The following RBMS3 variants were observed in gnomAD, a reference collection of about 807,000 sequenced individuals.
RBMS3 encodes the protein RNA binding motif single stranded interacting protein 3, also known as RNA-binding motif, single-stranded-interacting protein 3.
A neutral mutation model predicts 66.8 loss-of-function variants in RBMS3; 27 were observed. The observed-to-expected ratio is 0.40, with a 90% confidence interval of 0.30 to 0.56. The LOEUF (loss-of-function observed/expected upper bound fraction) is 0.56. RBMS3 is among the 20% of genes least tolerant of loss of function. The pLI, the probability that RBMS3 is intolerant of heterozygous loss-of-function variation, is 0.40. For synonymous variants in RBMS3, 188 were observed against 183.0 expected (o/e 1.03, Z -0.22); for missense variants, 513 against 549.5 (o/e 0.93, Z 0.66).
intron 4 of RBMS3, among the ~76,000 whole-genome samples, chr3:29,652,046 A>G (rs2050161884): frequency 6.6e-6 from 1 of 152,162 alleles, no homozygotes; most frequent in Non-Finnish European, 1.5e-5. Context: ...TTGGATAACT[A>G]CTGACCATAA....
At chr3:29,383,364 A>T (rs72852319) in intron 1 of RBMS3, among the ~76,000 whole-genome samples, 11,121 of 152,244 alleles carry the variant, frequency 0.073, 579 homozygotes, top group African/African-American at 0.15. Context: ...TTTGCCTCTG[A>T]TATTGAATGC....
At chr3:29,387,589 C>T (rs187044144) in intron 1 of RBMS3, among the ~76,000 whole-genome samples, 1 of 152,086 alleles carries the variant, frequency 6.6e-6, no homozygotes, top group Non-Finnish European at 1.5e-5. Context: ...CTCCACCGTG[C>T]AGCCAGAGTA....
intron 8 of RBMS3, among the ~76,000 whole-genome samples, chr3:29,886,936 A>T (rs1178729169): frequency 6.6e-6 from 1 of 151,804 alleles, no homozygotes; most frequent in East Asian, 1.9e-4. Flanking sequence ...CCATCAAAGA[A>T]TCCTACATTC....
chr3:29,536,054 C>T (rs1044767495), intron 3 of RBMS3, among the ~76,000 whole-genome samples: 6 of 152,184 alleles, frequency 3.9e-5, no homozygotes, highest in African/African-American at 9.6e-5. Context: ...CTACAAATGA[C>T]GTCTGAATCT....
chr3:29,693,924 C>T (rs1245317655), intron 4 of RBMS3, among the ~76,000 whole-genome samples: 1 of 152,126 alleles, frequency 6.6e-6, no homozygotes, highest in African/African-American at 2.4e-5. Flanking sequence ...CATTATTTTT[C>T]AAACACTGAT....
chr3:29,732,887 T>A (rs1159130096), intron 4 of RBMS3, among the ~76,000 whole-genome samples: 3 of 152,154 alleles, frequency 2.0e-5, no homozygotes, highest in Non-Finnish European at 4.4e-5. Flanking sequence ...ATTGGTGTAG[T>A]GTAGTAAAAA....
intron 1 of RBMS3, among the ~76,000 whole-genome samples, chr3:29,310,311 C>T (rs921761562): frequency 4.0e-5 from 6 of 151,460 alleles, no homozygotes; most frequent in Non-Finnish European, 7.4e-5. Flanking sequence ...TGGGGGGGCC[C>T]GGATAAGGTC....
chr3:29,844,149 T>C (rs1216419617), intron 6 of RBMS3, among the ~76,000 whole-genome samples: 1 of 152,218 alleles, frequency 6.6e-6, no homozygotes, highest in Non-Finnish European at 1.5e-5. Context: ...CAAATAGATG[T>C]ACAAATTCCT....
At chr3:29,680,553 G>A (rs996564638) in intron 4 of RBMS3, among the ~76,000 whole-genome samples, 3 of 152,154 alleles carry the variant, frequency 2.0e-5, no homozygotes, top group Non-Finnish European at 4.4e-5. Flanking sequence ...GAAAGCAAGA[G>A]AAAGACAGAC....
chr3:29,690,732 G>A (rs2051966964), intron 4 of RBMS3, among the ~76,000 whole-genome samples: 3 of 152,100 alleles, frequency 2.0e-5, no homozygotes, highest in Admixed American at 2.0e-4. Flanking sequence ...TTTTAGTTTT[G>A]CATTTTTGTT....
intron 4 of RBMS3, among the ~76,000 whole-genome samples, chr3:29,597,266 G>T (rs944355462): frequency 2.0e-5 from 3 of 152,098 alleles, no homozygotes; most frequent in African/African-American, 7.2e-5. Context: ...AAACATGTTT[G>T]ATAGTTCCTC....
intron 1 of RBMS3, among the ~76,000 whole-genome samples, chr3:29,286,917 G>A (rs1203530628): frequency 6.6e-6 from 1 of 151,956 alleles, no homozygotes; most frequent in Non-Finnish European, 1.5e-5. Flanking sequence ...TTCAAAATTG[G>A]CTTCAAGTAC....
intron 6 of RBMS3, among the ~76,000 whole-genome samples, chr3:29,855,932 C>T (rs190593632): frequency 6.6e-6 from 1 of 151,934 alleles, no homozygotes; most frequent in African/African-American, 2.4e-5. Flanking sequence ...AATGCAGAGA[C>T]CCTATACTCG....
intron 1 of RBMS3, among the ~76,000 whole-genome samples, chr3:29,329,225 C>A: frequency 6.6e-6 from 1 of 151,884 alleles, no homozygotes; most frequent in East Asian, 1.9e-4. Flanking sequence ...GTAAGGTAAC[C>A]CTTTTGGTTT....
chr3:29,885,748 G>A (rs538906435), intron 8 of RBMS3, among the ~76,000 whole-genome samples: 82 of 151,890 alleles, frequency 5.4e-4, no homozygotes, highest in African/African-American at 1.6e-3. Context: ...GTATGCACAT[G>A]TGTGTAATAT....
chr3:29,348,552 A>T (rs2125552973), intron 1 of RBMS3, among the ~76,000 whole-genome samples: 1 of 148,332 alleles, frequency 6.7e-6, no homozygotes, highest in South Asian at 2.1e-4. Flanking sequence ...AGAAATTTTC[A>T]CTCTTGACTT....
At chr3:29,882,310 C>G (rs1371965059) in intron 7 of RBMS3, among the ~76,000 whole-genome samples, 1 of 152,052 alleles carries the variant, frequency 6.6e-6, no homozygotes, top group Non-Finnish European at 1.5e-5. Context: ...TCTTGCCTCT[C>G]CCATGGCAAA....
intron 1 of RBMS3, among the ~76,000 whole-genome samples, chr3:29,340,224 A>G (rs749937377): frequency 3.3e-5 from 5 of 152,258 alleles, no homozygotes; most frequent in Non-Finnish European, 7.4e-5. Flanking sequence ...AACAACAAAA[A>G]TAAGTATTTC....
chr3:29,839,659 G>A (rs914605056), intron 6 of RBMS3, among the ~76,000 whole-genome samples: 29 of 151,388 alleles, frequency 1.9e-4, no homozygotes, highest in Non-Finnish European at 2.9e-5. Context: ...TAATAAAAAT[G>A]AACTCATTTT....
Sources: allele counts gnomAD v4.1 joint callset (sites outside exome capture counted in the v4.1 genomes callset), GRCh38; gene constraint gnomAD v4.1.1; transcripts MANE v1.5; gene names NCBI Gene and HGNC (gene_info 2026-07-23, HGNC 2026-07-21).